The following GPHN variants were observed in gnomAD, a reference collection of about 807,000 sequenced individuals.
GPHN encodes the protein gephyrin.
In GPHN, 17 loss-of-function variants were observed where a neutral mutation model predicts 95.5. The observed-to-expected ratio is 0.18, with a 90% CI of 0.12 to 0.27. The LOEUF (loss-of-function observed/expected upper bound fraction) is 0.27, where lower values mean the gene tolerates loss of function less well. Among genes scored for constraint, GPHN ranks in the 10% least tolerant of loss-of-function variants. The pLI, the probability that GPHN is intolerant of heterozygous loss-of-function variation, is 1.00. For missense variants in GPHN, 660 were observed against 978.1 expected (o/e 0.67, Z 4.34); for synonymous variants, 320 against 322.5 (o/e 0.99, Z 0.08).
rs72728684 is a variant in GPHN, at chr14:66,833,410, C to A, written c.294+8844C>A. Among the ~76,000 whole-genome samples the A allele has an allele frequency of 4.4e-3, 668 of 152,212 alleles. 2 individuals carry two copies. The highest frequency in any genetic ancestry group is 7.1e-3 in the Non-Finnish European group (484 of 68,008). The stretch of plus-strand genomic sequence containing the variant: ...CTCCCACCAAGTCCCTCCCATTACA[C>A]ATAGAGATTATGGGAATTACAATTC... On this transcript the variant is annotated intron_variant, in intron 4 of 22. Coordinates refer to ENST00000478722, the MANE Select transcript of GPHN (RefSeq NM_020806.5).
At chr14:67,234,005 T>G in the GPHN span, among the ~76,000 whole-genome samples, 2 of 152,196 alleles carry the variant, frequency 1.3e-5, no homozygotes, top group Admixed American at 6.5e-5. Flanking sequence ...GAGTGAGTGA[T>G]AAAGAACATC....
chr14:67,583,522 C>CA, the GPHN span, among the ~76,000 whole-genome samples: 1 of 152,210 alleles, frequency 6.6e-6, no homozygotes, highest in African/African-American at 2.4e-5. Flanking sequence ...GCTGCAAAAT[C>CA]AAAGTTGGTC....
chr14:66,639,346 C>T lies in GPHN; in HGVS notation c.65-41761C>T, dbSNP rs189588866. Among the ~76,000 whole-genome samples, 4 of 151,952 alleles carry T rather than the reference C, an allele frequency of 2.6e-5. No individual in the cohort carries two copies. The East Asian group carries it at 5.8e-4, about 22-fold the overall frequency. On this transcript the variant is annotated intron_variant, in intron 1 of 22. Coordinates refer to ENST00000478722, the MANE Select transcript of GPHN (RefSeq NM_020806.5). ...TTTGATGATGTCAGTTCAAGAAGAA[C>T]AAGAATAATGATAAGTTAGATCCAA... is the stretch of plus-strand genomic sequence containing the variant.
chr14:67,439,593 C>CTTTCTT, the GPHN span, among the ~76,000 whole-genome samples: 3 of 109,764 alleles, frequency 2.7e-5, no homozygotes, highest in African/African-American at 1.0e-4. Context: ...TTCTTTCTTT[C>CTTTCTT]TTCTTTCTTT....
chr14:66,522,569 A>G (rs1361176824), intron 1 of GPHN, among the ~76,000 whole-genome samples: 1 of 152,098 alleles, frequency 6.6e-6, no homozygotes, highest in African/African-American at 2.4e-5. Context: ...CTTTTTCAAG[A>G]TACACCTGAG....
chr14:67,470,917 CA>C, the GPHN span: 5 of 152,366 alleles, frequency 3.3e-5, no homozygotes, highest in Admixed American at 3.3e-4. Context: ...GGGATTATTC[CA>C]AACTTTGAGT....
the GPHN span, chr14:67,651,275 A>C: frequency 6.3e-7 from 1 of 1,590,978 alleles, no homozygotes; most frequent in African/African-American, 1.3e-5. Flanking sequence ...TATACAGTGC[A>C]TCCTTGAACT....
At chr14:67,172,947 G>A (rs1391206038) in intron 21 of GPHN, among the ~76,000 whole-genome samples, 1 of 152,124 alleles carries the variant, frequency 6.6e-6, no homozygotes, top group Non-Finnish European at 1.5e-5. Context: ...TTCCTAGATA[G>A]CAACAATAGC....
At chr14:67,150,561 G>A (rs904729209) in intron 18 of GPHN, among the ~76,000 whole-genome samples, 3 of 150,046 alleles carry the variant, frequency 2.0e-5, no homozygotes, top group Non-Finnish European at 2.9e-5. Context: ...TAGGAAAAAT[G>A]TGAGATTATT....
At chr14:67,256,381 A>G in the GPHN span, among the ~76,000 whole-genome samples, 1 of 152,228 alleles carries the variant, frequency 6.6e-6, no homozygotes, top group Non-Finnish European at 1.5e-5. Context: ...AAGTAGAAAG[A>G]TCAGACTAGT....
intron 1 of GPHN, among the ~76,000 whole-genome samples, chr14:66,511,628 G>A (rs1167798015): frequency 1.3e-5 from 2 of 151,868 alleles, no homozygotes; most frequent in Admixed American, 6.6e-5. Context: ...AGATGTTTTC[G>A]TTATCTTCAT....
chr14:67,592,531 A>C, the GPHN span: 1 of 680,662 alleles, frequency 1.5e-6, no homozygotes, highest in Non-Finnish European at 2.6e-6. Context: ...TTATCACTCA[A>C]AACAGCTGTC....
rs148187309 is a variant in GPHN at position 66,965,489 on chromosome 14, A to G, written c.963+164A>G. 7.5e-3 allele frequency among the ~76,000 whole-genome samples: 1,140 copies of G among 152,330 alleles called. 8 individuals are homozygous for G. Among genetic ancestry groups the G allele is most frequent in the Non-Finnish European group, 0.01 (712 of 68,038 alleles). On this transcript the variant is annotated intron_variant, in intron 9 of 22. Coordinates refer to ENST00000478722, the MANE Select transcript of GPHN (RefSeq NM_020806.5). ...CCCACCCATTGTGTCACAAATTGTCATATTAGGCCACTAGTAGGACAATAC... is the reference window on the plus strand; with the variant it reads ...CCCACCCATTGTGTCACAAATTGTCGTATTAGGCCACTAGTAGGACAATAC...
chr14:66,932,526 C>T (rs917836121), intron 8 of GPHN, among the ~76,000 whole-genome samples: 2 of 127,450 alleles, frequency 1.6e-5, no homozygotes, highest in African/African-American at 6.0e-5. Context: ...TTAGAAATGC[C>T]GTCCAAGAGC....
At chr14:67,308,014 TG>T in the GPHN span, among the ~76,000 whole-genome samples, 18 of 151,804 alleles carry the variant, frequency 1.2e-4, no homozygotes, top group African/African-American at 4.4e-4. Flanking sequence ...CTCTTACATG[TG>T]GGAGCTAAAT....
At chr14:67,563,529 G>T in the GPHN span, among the ~76,000 whole-genome samples, 1 of 151,980 alleles carries the variant, frequency 6.6e-6, no homozygotes, top group African/African-American at 2.4e-5. Flanking sequence ...TGCCTCCTGG[G>T]TTCAATCAAT....
chr14:67,316,896 A>G, the GPHN span: 1 of 1,611,524 alleles, frequency 6.2e-7, no homozygotes, highest in East Asian at 2.2e-5. Context: ...AGGAGCCAGA[A>G]AAATCAGGTT....
At chr14:67,663,620 G>A in the GPHN span, among the ~76,000 whole-genome samples, 1 of 152,192 alleles carries the variant, frequency 6.6e-6, no homozygotes, top group Non-Finnish European at 1.5e-5. Flanking sequence ...CTTGCAGTGA[G>A]CCAAGATTGT....
chr14:67,626,260 A>G, the GPHN span, among the ~76,000 whole-genome samples: 5 of 151,310 alleles, frequency 3.3e-5, no homozygotes, highest in African/African-American at 1.2e-4. Context: ...TCTCAGGGGA[A>G]AAAAAAAACC....
Sources: gnomAD v4.1 joint callset for allele counts (sites outside exome capture counted in the v4.1 genomes callset) on GRCh38, gnomAD v4.1.1 for gene constraint, MANE v1.5 for transcripts, NCBI Gene and HGNC (gene_info 2026-07-23, HGNC 2026-07-21) for gene names.